NDUFAF5: variants seen among roughly 807,000 people sequenced by gnomAD.
The protein encoded by NDUFAF5 is NADH:ubiquinone oxidoreductase complex assembly factor 5, also known as arginine-hydroxylase NDUFAF5, mitochondrial.
In NDUFAF5, 34 loss-of-function variants were observed where a neutral mutation model predicts 48.9. The observed-to-expected ratio is 0.70, with a 90% confidence interval of 0.53 to 0.93. NDUFAF5 has a LOEUF of 0.93. Among genes scored for constraint, NDUFAF5 ranks in the 40% least tolerant of loss-of-function variants. The probability of loss-of-function intolerance (pLI) is 0.00; values close to 1 mark genes in which losing one functional copy is unlikely to be tolerated. For missense variants in NDUFAF5, 428 were observed against 427.5 expected, an observed-to-expected ratio of 1.00 and a Z score of -0.01; for synonymous variants, 153 against 150.6, an observed-to-expected ratio of 1.02 and a Z score of -0.12.
rs1986940808 is a variant in NDUFAF5, at chr20:13,820,878, C to T, written c.*3668C>T. ...TGTTCCTTTGTAAGTTACCATTAGC[C>T]TCTCTTGCTTAAGAAATATTTTGAG... is the stretch of plus-strand genomic sequence containing the variant. On this transcript the variant is annotated 3_prime_UTR_variant, in exon 11 of 11. Coordinates refer to ENST00000378106, the MANE Select transcript of NDUFAF5 (RefSeq NM_024120.5). 6.6e-6 allele frequency: 1 copy of T among 152,128 alleles called. No individual in the cohort carries two copies. The highest frequency in any genetic ancestry group is 2.4e-5 in the African/African-American group (1 of 41,424). 9.4% of individuals were successfully genotyped at this position (152,128 alleles called of 1,614,324 possible).
chr20:13,785,527 T>C (rs1336051245), intron 1 of NDUFAF5, among the ~76,000 whole-genome samples: 1 of 152,198 alleles, frequency 6.6e-6, no homozygotes, highest in East Asian at 1.9e-4. Context: ...AAGGACCTTA[T>C]AGAGGCCTCC....
chr20:13,804,000 G>A (rs997345892), intron 7 of NDUFAF5, among the ~76,000 whole-genome samples: 9 of 152,004 alleles, frequency 5.9e-5, no homozygotes, highest in Non-Finnish European at 1.3e-4. Context: ...TGGCCAGTCT[G>A]GTCTCGAACT....
chr20:13,800,480 C>CA (rs1295956202), intron 6 of NDUFAF5, among the ~76,000 whole-genome samples: 1 of 152,188 alleles, frequency 6.6e-6, no homozygotes, highest in African/African-American at 2.4e-5. Flanking sequence ...AATAGTCAAT[C>CA]AAACTAGTTA....
At chr20:13,788,711 A>G (rs1373864091) in intron 3 of NDUFAF5, 59 bp downstream of exon 3, 3 of 1,095,646 alleles carry the variant, frequency 2.7e-6, no homozygotes, top group Non-Finnish European at 4.2e-6. Flanking sequence ...ATTTTAAAGA[A>G]AGACTTTCCT....
chr20:13,787,252 T>C (rs374274583), intron 1 of NDUFAF5, 60 bp from the exon 2 acceptor site: 9 of 1,547,004 alleles, frequency 5.8e-6, no homozygotes, highest in African/African-American at 1.4e-5. Flanking sequence ...TTGTGGATTG[T>C]TGAATACTGG....
In NDUFAF5 at chr20:13,817,233, G is replaced by A. The variant is rs777117304; in HGVS notation, c.*23G>A. 2.1e-5 allele frequency: 32 copies of A among 1,557,398 alleles called. No individual in the cohort carries two copies. Among genetic ancestry groups the A allele is most frequent in the African/African-American group, 8.1e-5 (6 of 73,790 alleles). On this transcript the variant is annotated 3_prime_UTR_variant, in exon 11 of 11. Transcript: ENST00000378106. ...TAAATATTTATTCAGTGTTAATGTC[G>A]TCCAGAATTTTCATCAGAAATGGAT...
chr20:13,809,868 G>A (rs1357910127), intron 8 of NDUFAF5, among the ~76,000 whole-genome samples: 8 of 152,334 alleles, frequency 5.3e-5, no homozygotes, highest in Non-Finnish European at 1.2e-4. Flanking sequence ...TTGGCTGTGG[G>A]CAGATGAAGG....
chr20:13,796,838 A>G (rs896272895), intron 5 of NDUFAF5, among the ~76,000 whole-genome samples: 4 of 152,160 alleles, frequency 2.6e-5, no homozygotes, highest in African/African-American at 9.7e-5. Context: ...AATTAGCTGC[A>G]TGTCATGGCG....
At chr20:13,787,565 C>T (rs920505608) in intron 2 of NDUFAF5, among the ~76,000 whole-genome samples, 2 of 152,172 alleles carry the variant, frequency 1.3e-5, no homozygotes, top group Non-Finnish European at 2.9e-5. Flanking sequence ...TGTGGAAGCA[C>T]AACTCGTATC....
chr20:13,808,483 A>G (rs1401098648), intron 7 of NDUFAF5, among the ~76,000 whole-genome samples: 2 of 152,142 alleles, frequency 1.3e-5, no homozygotes, highest in East Asian at 1.9e-4. Context: ...GTCCAGGGAC[A>G]TGTAGTCAGA....
At position 13,801,551 on chromosome 20, in the gene NDUFAF5, T is replaced by C. The variant is rs150955045; in HGVS notation, c.585T>C (p.Tyr195=). 1.6e-4 allele frequency: 260 copies of C among 1,614,118 alleles called. 1 individual carries two copies. In the African/African-American group the frequency reaches 2.8e-3, roughly 17 times the overall value. The change falls in exon 7 of 11, where the codon TAT becomes TAC. Residue 195 remains tyrosine, a synonymous_variant. Transcript: ENST00000378106. ...IGAMFGGDTL[Y]ELRCSLQLAE... is the part of the protein sequence containing the mutation. ...CAATGTTTGGAGGCGACACACTCTATGAACTTCGGTGTTCCTTACAGTTAG... is the reference window on the plus strand; with the variant it reads ...CAATGTTTGGAGGCGACACACTCTACGAACTTCGGTGTTCCTTACAGTTAG...
At chr20:13,786,104 G>A (rs553955223) in intron 1 of NDUFAF5, among the ~76,000 whole-genome samples, 1 of 152,284 alleles carries the variant, frequency 6.6e-6, no homozygotes, top group East Asian at 1.9e-4. Flanking sequence ...GAGACTGAGG[G>A]TTTCTACTTT....
At chr20:13,786,976 T>C (rs906063028) in intron 1 of NDUFAF5, among the ~76,000 whole-genome samples, 5 of 152,184 alleles carry the variant, frequency 3.3e-5, no homozygotes, top group African/African-American at 1.2e-4. Context: ...CATGCTAATA[T>C]CCGTGGACAG....
At chr20:13,788,544 G>T in intron 2 of NDUFAF5, 45 bp from the exon 3 acceptor site, 1 of 1,366,990 alleles carries the variant, frequency 7.3e-7, no homozygotes, top group South Asian at 1.2e-5. Context: ...TTAATTTATA[G>T]ACTGTGTTAT....
intron 2 of NDUFAF5, among the ~76,000 whole-genome samples, chr20:13,787,961 A>G (rs1390011235): frequency 6.6e-6 from 1 of 152,062 alleles, no homozygotes; most frequent in Non-Finnish European, 1.5e-5. Context: ...GTGTATTTAG[A>G]GGAGACAGCA....
At chr20:13,793,871 C>G (rs1434310357) in intron 4 of NDUFAF5, among the ~76,000 whole-genome samples, 1 of 152,218 alleles carries the variant, frequency 6.6e-6, no homozygotes, top group Non-Finnish European at 1.5e-5. Flanking sequence ...TTTGCTTTGG[C>G]AACACTGGGC....
intron 1 of NDUFAF5, among the ~76,000 whole-genome samples, chr20:13,786,588 T>C (rs1027637388): frequency 1.3e-5 from 2 of 152,190 alleles, no homozygotes; most frequent in African/African-American, 4.8e-5. Flanking sequence ...CCTTCTCCCT[T>C]GCCCTTCTCT....
intron 1 of NDUFAF5, among the ~76,000 whole-genome samples, chr20:13,786,311 A>C (rs1981110722): frequency 6.6e-6 from 1 of 152,178 alleles, no homozygotes. Flanking sequence ...TATTATAGGA[A>C]GTTTACTACC....
rs1986798470 is a variant in NDUFAF5, at chr20:13,819,023, G to A, written c.*1813G>A. On this transcript the variant is annotated 3_prime_UTR_variant, in exon 11 of 11. Coordinates refer to ENST00000378106, the MANE Select transcript of NDUFAF5 (RefSeq NM_024120.5). ...CTCTACTCTGGCTATCCCAAAAAAA[G>A]CTCCATTTGTTTAAAAAAATTAAGT... 1 of 152,146 alleles carries A rather than the reference G, an allele frequency of 6.6e-6. No homozygotes were observed. The highest frequency in any genetic ancestry group is 1.5e-5 in the Non-Finnish European group (1 of 68,014). The allele number at this position is 152,146 out of a possible 1,614,324, so 9.4% of individuals were successfully genotyped here.
Sources: gnomAD v4.1 joint callset for allele counts (sites outside exome capture counted in the v4.1 genomes callset) on GRCh38, gnomAD v4.1.1 for gene constraint, MANE v1.5 for transcripts, NCBI Gene and HGNC (gene_info 2026-07-23, HGNC 2026-07-21) for gene names.